The following MRAP2 variants were observed in gnomAD, a reference collection of about 807,000 sequenced individuals.
The protein encoded by MRAP2 is melanocortin-2 receptor accessory protein 2.
MRAP2 carries 20 observed loss-of-function variants against 17.4 expected under a neutral mutation model. The observed-to-expected ratio is 1.15, with a 90% CI of 0.81 to 1.67. MRAP2 has a LOEUF of 1.67. MRAP2 is among the 40% of genes most tolerant of loss of function. The probability of loss-of-function intolerance (pLI) is 0.00; values close to 1 mark genes in which losing one functional copy is unlikely to be tolerated. For missense variants in MRAP2, 238 were observed against 240.0 expected (o/e 0.99, Z 0.05); for synonymous variants, 96 against 88.4 (o/e 1.09, Z -0.48).
At chr6:84,114,288 T>C in the MRAP2 span, among the ~76,000 whole-genome samples, 2 of 152,154 alleles carry the variant, frequency 1.3e-5, no homozygotes, top group African/African-American at 4.8e-5. Context: ...TTTCATTCTT[T>C]TTTCTCTAAT....
intron 1 of MRAP2, among the ~76,000 whole-genome samples, chr6:84,043,470 G>A (rs1413791270): frequency 6.6e-6 from 1 of 152,208 alleles, no homozygotes; most frequent in Non-Finnish European, 1.5e-5. Context: ...ATCTGGAAAG[G>A]AGGGAGAGGA....
chr6:84,073,319 T>C (rs2099496710), intron 3 of MRAP2, among the ~76,000 whole-genome samples: 1 of 152,108 alleles, frequency 6.6e-6, no homozygotes, highest in African/African-American at 2.4e-5. Context: ...GCTCCAGGTA[T>C]GGTCAGAAAC....
chr6:84,078,926 A>G (rs567061830), intron 3 of MRAP2, among the ~76,000 whole-genome samples: 2 of 152,370 alleles, frequency 1.3e-5, no homozygotes, highest in East Asian at 3.9e-4. Flanking sequence ...GAAACGGACT[A>G]CAACAGAGGT....
chr6:84,055,767 C>T (rs951625950), intron 2 of MRAP2, among the ~76,000 whole-genome samples: 5 of 152,176 alleles, frequency 3.3e-5, no homozygotes, highest in African/African-American at 1.2e-4. Flanking sequence ...TTTGAACTAT[C>T]AAAAATATGT....
chr6:84,106,507 G>T, the MRAP2 span, among the ~76,000 whole-genome samples: 14 of 152,194 alleles, frequency 9.2e-5, no homozygotes, highest in Admixed American at 9.2e-4. Flanking sequence ...GCACTTAGCA[G>T]TGGTCATACC....
At chr6:84,074,773 T>C (rs2099497160) in intron 3 of MRAP2, among the ~76,000 whole-genome samples, 1 of 152,202 alleles carries the variant, frequency 6.6e-6, no homozygotes. Context: ...AGAGAATGTT[T>C]ATCTGCCATC....
chr6:84,095,712 A>C (rs1454452237), downstream of MRAP2, among the ~76,000 whole-genome samples: 2 of 152,206 alleles, frequency 1.3e-5, no homozygotes, highest in African/African-American at 4.8e-5. Context: ...GTGTAGTAGA[A>C]ATAGAAAGTC....
At chr6:84,131,599 C>T in the MRAP2 span, among the ~76,000 whole-genome samples, 1 of 151,240 alleles carries the variant, frequency 6.6e-6, no homozygotes, top group East Asian at 1.9e-4. Flanking sequence ...ACCATTATGG[C>T]CTTGTCTCTT....
the MRAP2 span, among the ~76,000 whole-genome samples, chr6:84,112,732 G>T: frequency 6.6e-6 from 1 of 151,870 alleles, no homozygotes; most frequent in Non-Finnish European, 1.5e-5. Flanking sequence ...TCTCTTGTGG[G>T]CATTTAGTGC....
the MRAP2 span, among the ~76,000 whole-genome samples, chr6:84,138,795 AACTTT>A: frequency 6.6e-6 from 1 of 152,230 alleles, no homozygotes; most frequent in Non-Finnish European, 1.5e-5. Flanking sequence ...TTTCACTAAA[AACTTT>A]ACTTCAGTTC....
chr6:84,072,451 A>T (rs1234025865), intron 3 of MRAP2, among the ~76,000 whole-genome samples: 1 of 152,186 alleles, frequency 6.6e-6, no homozygotes, highest in African/African-American at 2.4e-5. Context: ...TCAGCCATGG[A>T]TACCAGTGCC....
In MRAP2 at chr6:84,062,979, G is replaced by T; in HGVS notation, c.214G>T (p.Ala72Ser). Residue 72 changes from alanine to serine, a missense_variant, in exon 3 of 4, where the codon GCC (alanine) becomes TCC (serine). By Grantham distance (99) the Ala-to-Ser change is moderately conservative (BLOSUM62 1). Coordinates refer to ENST00000257776, the MANE Select transcript of MRAP2 (RefSeq NM_138409.4). Reference protein sequence around the residue: ...FVLTLLTKTGAPHQDNAESSE... With the variant: ...FVLTLLTKTGSPHQDNAESSE... ...GCTGACCTTGCTGACCAAGACAGGA[G>T]CCCCACACCAAGAGTAAGTTTGGGC... The T allele has an allele frequency of 6.2e-7, 1 of 1,614,134 alleles. No individual in the cohort carries two copies. The highest frequency in any genetic ancestry group is 1.1e-5 in the South Asian group (1 of 91,084).
intron 3 of MRAP2, 153 bp downstream of exon 3, chr6:84,063,145 C>T (rs2099493625): frequency 1.0e-6 from 1 of 985,268 alleles, no homozygotes; most frequent in South Asian, 4.7e-5. Context: ...TGGATGGGAT[C>T]CAGCTATTCT....
chr6:84,116,020 A>G, the MRAP2 span, among the ~76,000 whole-genome samples: 1 of 152,130 alleles, frequency 6.6e-6, no homozygotes, highest in Non-Finnish European at 1.5e-5. Context: ...AGCTGTTTCT[A>G]TTTGGCCATC....
chr6:84,076,077 T>C (rs540998567), intron 3 of MRAP2, among the ~76,000 whole-genome samples: 4 of 152,224 alleles, frequency 2.6e-5, no homozygotes, highest in African/African-American at 9.6e-5. Context: ...TTTTTTTTCT[T>C]TTGAGATGGG....
chr6:84,055,489 T>C (rs2099491484), intron 2 of MRAP2, 44 bp downstream of exon 2: 2 of 1,578,154 alleles, frequency 1.3e-6, no homozygotes, highest in East Asian at 2.2e-5. Context: ...ATTGTATTTC[T>C]CTTAACCTGT....
chr6:84,033,796 AGGCGGCGGCGGC>A lies in MRAP2; in HGVS notation c.-87_-76del. 2.0e-6 allele frequency: 2 copies of A among 986,548 alleles called. No homozygotes were observed. Among genetic ancestry groups the A allele is most frequent in the Non-Finnish European group, 2.4e-6 (2 of 830,894 alleles). 61.1% of individuals were successfully genotyped at this position (986,548 alleles called of 1,614,324 possible). A position where few individuals can be genotyped will look rare whatever the true frequency, so the allele number is the denominator to read the frequency against. On this transcript the variant is annotated 5_prime_UTR_variant, in exon 1 of 4. Coordinates refer to ENST00000257776, the MANE Select transcript of MRAP2 (RefSeq NM_138409.4). ...TACTCGCCCGGCCCTGGGCGGTGGG[AGGCGGCGGCGGC>A]GGCGGCGCTCGCGCACCTCGGAGGA...
intron 2 of MRAP2, among the ~76,000 whole-genome samples, chr6:84,057,278 A>G (rs967696257): frequency 1.3e-5 from 2 of 152,218 alleles, no homozygotes; most frequent in Non-Finnish European, 2.9e-5. Flanking sequence ...TTGCTGGGCA[A>G]AATTCAAAGC....
the MRAP2 span, among the ~76,000 whole-genome samples, chr6:84,117,682 T>G: frequency 1.3e-5 from 2 of 151,090 alleles, no homozygotes; most frequent in African/African-American, 4.9e-5. Flanking sequence ...TGTGTGTGTG[T>G]GTGGTTGTTG....
Sources: gnomAD v4.1 joint callset for allele counts (sites outside exome capture counted in the v4.1 genomes callset) on GRCh38, gnomAD v4.1.1 for gene constraint, MANE v1.5 for transcripts, NCBI Gene and HGNC (gene_info 2026-07-23, HGNC 2026-07-21) for gene names.